The following HSF5 variants were observed in gnomAD, a reference collection of about 807,000 sequenced individuals.
HSF5 encodes the protein heat shock transcription factor 5, also known as heat shock factor protein 5.
HSF5 carries 5 observed loss-of-function variants against 50.8 expected under a neutral mutation model. The ratio of observed to expected loss-of-function variants is 0.10; its 90% CI spans 0.05 to 0.21. The LOEUF (loss-of-function observed/expected upper bound fraction) is 0.21, where lower values mean the gene tolerates loss of function less well. Ranked by LOEUF, HSF5 falls within the 10% of genes least tolerant of loss-of-function variation. The pLI, the probability that HSF5 is intolerant of heterozygous loss-of-function variation, is 1.00. For synonymous variants in HSF5, 307 were observed against 307.4 expected (o/e 1.00, Z 0.02); for missense variants, 564 against 762.6 (o/e 0.74, Z 3.07).
intron 5 of HSF5, among the ~76,000 whole-genome samples, chr17:58,455,507 T>C (rs1015590461): frequency 2.0e-5 from 3 of 152,060 alleles, no homozygotes; most frequent in African/African-American, 4.8e-5. Flanking sequence ...ATCTTCTGCA[T>C]AGCAAAAGAC....
At chr17:58,453,788 C>A (rs1450294112) in intron 5 of HSF5, among the ~76,000 whole-genome samples, 1 of 151,896 alleles carries the variant, frequency 6.6e-6, no homozygotes, top group African/African-American at 2.4e-5. Flanking sequence ...AAAAATCATT[C>A]AGTAAAATTC....
intron 5 of HSF5, among the ~76,000 whole-genome samples, chr17:58,442,686 T>C (rs1313056988): frequency 6.6e-6 from 1 of 152,212 alleles, no homozygotes; most frequent in Non-Finnish European, 1.5e-5. Context: ...CAAGTAGAGT[T>C]TGTCTCATAA....
chr17:58,476,169 C>T (rs1975009582), intron 2 of HSF5: 4 of 1,044,594 alleles, frequency 3.8e-6, no homozygotes, highest in Non-Finnish European at 5.7e-6. Context: ...TCCTCCCCTT[C>T]ATCATCATCT....
chr17:58,485,414 C>T (rs958940009), intron 1 of HSF5, among the ~76,000 whole-genome samples: 1 of 152,022 alleles, frequency 6.6e-6, no homozygotes, highest in African/African-American at 2.4e-5. Context: ...ATATTGCCAC[C>T]CTTGCCTTCC....
At chr17:58,433,065 G>C (rs944495372) in intron 5 of HSF5, among the ~76,000 whole-genome samples, 1 of 152,158 alleles carries the variant, frequency 6.6e-6, no homozygotes, top group Non-Finnish European at 1.5e-5. Context: ...CCAGGCTGGA[G>C]TGCAGTGGCA....
At chr17:58,466,858 G>T in intron 3 of HSF5, 27 bp downstream of exon 3, 1 of 1,382,756 alleles carries the variant, frequency 7.2e-7, no homozygotes, top group Non-Finnish European at 1.0e-6. Context: ...AAAGCGCGGA[G>T]CATGGCCACA....
At chr17:58,462,128 G>A (rs1232897400) in intron 4 of HSF5, among the ~76,000 whole-genome samples, 2 of 152,094 alleles carry the variant, frequency 1.3e-5, no homozygotes, top group South Asian at 2.1e-4. Context: ...AAATGAGAAC[G>A]TGCTATTTGA....
At position 58,462,823 on chromosome 17, in the gene HSF5, C is replaced by T; in HGVS notation, c.1501G>A (p.Val501Ile). Residue 501 changes from valine to isoleucine, a missense_variant, in exon 4 of 6, where the codon GTA becomes ATA. Val to Ile is a conservative substitution (Grantham distance 29). This residue lies in a region of HSF5 where 441 missense variants were observed against 533.6 expected (regional missense o/e 0.83). Coordinates refer to ENST00000323777, the MANE Select transcript of HSF5 (RefSeq NM_001080439.3). The part of the protein sequence containing the change: ...HLNHNPSPSS[V>I]VFVQEGPPFS... ...GGTGGCCCTTCCTGCACAAATACTA[C>T]TGAAGATGGAGATGGATTATGATTT... is the stretch of plus-strand genomic sequence containing the variant. 6.2e-7 allele frequency: 1 copy of T among 1,612,732 alleles called. No homozygotes were observed. Among genetic ancestry groups the T allele is most frequent in the South Asian group, 1.1e-5 (1 of 90,762 alleles).
chr17:58,488,233 G>A lies in HSF5; in HGVS notation c.42C>T (p.Phe14=), dbSNP rs1567921667. Residue 14 remains phenylalanine, a synonymous_variant, in exon 1 of 6, where the codon TTC becomes TTT. Coordinates refer to ENST00000323777, the MANE Select transcript of HSF5 (RefSeq NM_001080439.3). The surrounding 1 kb of genome is among the most constrained non-coding windows in gnomAD (Gnocchi z 4.1). ...LLSTPINPNN[F]PAKLWRLVNS... is the part of the protein sequence containing the mutation. ...TCACCAGGCGCCACAGCTTGGCGGG[G>A]AAGTTGTTGGGGTTGATGGGGGTGG... 2.6e-6 allele frequency: 4 copies of A among 1,516,192 alleles called. No homozygotes were observed. The highest frequency in any genetic ancestry group is 2.2e-5 in the Admixed American group (1 of 45,798). 93.9% of individuals were successfully genotyped at this position (1,516,192 alleles called of 1,614,324 possible). A position where few individuals can be genotyped will look rare whatever the true frequency, so the allele number is the denominator to read the frequency against.
chr17:58,474,545 G>A (rs571700940), intron 2 of HSF5, among the ~76,000 whole-genome samples: 1 of 151,904 alleles, frequency 6.6e-6, no homozygotes, highest in African/African-American at 2.4e-5. Flanking sequence ...AACACTTGGA[G>A]ACAACTCCCA....
chr17:58,462,982 G>T lies in HSF5; in HGVS notation c.1342C>A (p.Gln448Lys). 5 of 1,614,162 alleles carry T rather than the reference G, an allele frequency of 3.1e-6. No homozygotes were observed. Among genetic ancestry groups the T allele is most frequent in the Non-Finnish European group, 4.2e-6 (5 of 1,179,994 alleles). The change falls in exon 4 of 6, where the codon CAA becomes AAA. Residue 448 changes from glutamine (Q) to lysine (K), a missense_variant. Physicochemically the swap from Gln to Lys is moderately conservative, Grantham distance 53. Transcript: ENST00000323777. ...DIMSFVVGTEQAVACSLPQSP... is the reference protein window; with the variant it reads ...DIMSFVVGTEKAVACSLPQSP... ...TGTGGTAGAGAGCAGGCAACTGCTT[G>T]TTCTGTTCCAACCACAAAAGACATA...
chr17:58,487,606 C>T lies in HSF5; in HGVS notation c.550+119G>A, dbSNP rs1317647964. 1.0e-5 allele frequency: 13 copies of T among 1,287,682 alleles called. No homozygotes were observed. In the African/African-American group the frequency reaches 1.4e-4, roughly 14 times the overall value. 79.8% of individuals were successfully genotyped at this position (1,287,682 alleles called of 1,614,324 possible). The stretch of plus-strand genomic sequence containing the variant: ...CGGGAAGCACAGCGGCCAATGGGTC[C>T]CCGGCGCCTTTCCGACGCCCATAGC... On this transcript the variant is annotated intron_variant, in intron 1 of 5. Coordinates refer to ENST00000323777, the MANE Select transcript of HSF5 (RefSeq NM_001080439.3).
intron 5 of HSF5, among the ~76,000 whole-genome samples, chr17:58,449,052 T>A (rs1974599899): frequency 6.6e-6 from 1 of 152,208 alleles, no homozygotes; most frequent in African/African-American, 2.4e-5. Context: ...GCAATCAAAG[T>A]CAAGTTGTCA....
intron 2 of HSF5, among the ~76,000 whole-genome samples, chr17:58,474,180 G>A (rs1974982687): frequency 6.6e-6 from 1 of 152,212 alleles, no homozygotes; most frequent in East Asian, 1.9e-4. Flanking sequence ...TGGTTAAATT[G>A]CTCACTACTT....
At chr17:58,436,301 G>A (rs1243333708) in intron 5 of HSF5, among the ~76,000 whole-genome samples, 3 of 151,896 alleles carry the variant, frequency 2.0e-5, no homozygotes, top group African/African-American at 7.3e-5. Flanking sequence ...AGAATCATTT[G>A]CAACTTCATG....
rs535451897 is a variant in HSF5 at position 58,443,914 on chromosome 17, C to T, written c.1720+14854G>A. 3.3e-5 allele frequency among the ~76,000 whole-genome samples: 5 copies of T among 152,266 alleles called. No individual in the cohort carries two copies. The East Asian group carries it at 9.6e-4, about 29-fold the overall frequency. ...TAGTCAAAGGGAATTCTGGCCTTAG[C>T]AGTTCTTACAAGGAGAATGTATTTG... On this transcript the variant is annotated intron_variant, in intron 5 of 5. Coordinates refer to ENST00000323777, the MANE Select transcript of HSF5 (RefSeq NM_001080439.3).
At chr17:58,424,581 C>T (rs918766920) in intron 5 of HSF5, among the ~76,000 whole-genome samples, 5 of 148,050 alleles carry the variant, frequency 3.4e-5, no homozygotes, top group African/African-American at 1.3e-4. Flanking sequence ...CACTGCACTC[C>T]GGCCTGGGCG....
At chr17:58,448,157 TAGAA>T (rs1384303182) in intron 5 of HSF5, among the ~76,000 whole-genome samples, 2 of 101,126 alleles carry the variant, frequency 2.0e-5, no homozygotes, top group Non-Finnish European at 4.1e-5. Flanking sequence ...AAAAAAAAGG[TAGAA>T]AGAAAGAAAA....
intron 5 of HSF5, among the ~76,000 whole-genome samples, chr17:58,428,054 C>T (rs1974317179): frequency 6.6e-6 from 1 of 152,186 alleles, no homozygotes; most frequent in Admixed American, 6.5e-5. Flanking sequence ...ACATAATTTT[C>T]ATGTATCATG....
Sources: allele counts gnomAD v4.1 joint callset (sites outside exome capture counted in the v4.1 genomes callset), GRCh38; gene constraint gnomAD v4.1.1; regional missense constraint gnomAD v4.1.1; non-coding constraint Gnocchi (gnomAD v3.1); transcripts MANE v1.5; gene names NCBI Gene and HGNC (gene_info 2026-07-23, HGNC 2026-07-21).